Variants in DCC observed in about 807,000 individuals in gnomAD.
DCC encodes DCC netrin 1 receptor, also known as netrin receptor DCC.
A neutral mutation model predicts 172.5 loss-of-function variants in DCC; 58 were observed. That is an observed-to-expected ratio of 0.34 (90% confidence interval 0.27 to 0.42). The LOEUF is 0.42. DCC is among the 10% of genes least tolerant of loss of function. The probability of loss-of-function intolerance (pLI) is 1.00; values close to 1 mark genes in which losing one functional copy is unlikely to be tolerated. For synonymous variants in DCC, 709 were observed against 644.5 expected (o/e 1.10, Z -1.52); for missense variants, 1,740 against 1,791.0 (o/e 0.97, Z 0.51).
At chr18:53,526,856 G>GGCCACCCCAT in intron 28 of DCC, 97 bp downstream of exon 28, 1 of 1,024,238 alleles carries the variant, frequency 9.8e-7, no homozygotes, top group Admixed American at 1.8e-5. Context: ...ATTCACCCCA[G>GGCCACCCCAT]GCCACCCCAG....
intron 1 of DCC, among the ~76,000 whole-genome samples, chr18:52,626,434 C>T (rs753406330): frequency 3.3e-5 from 5 of 152,144 alleles, no homozygotes; most frequent in Non-Finnish European, 7.4e-5. Context: ...AATAGCCTTG[C>T]CAATTAGTCT....
intron 7 of DCC, among the ~76,000 whole-genome samples, chr18:53,113,250 T>A (rs2043360634): frequency 6.6e-6 from 1 of 151,526 alleles, no homozygotes; most frequent in Non-Finnish European, 1.5e-5. Context: ...ATCAGAATCT[T>A]TTATTCAGAG....
chr18:53,502,771 T>TTTGAAAGCTTTGAGATTAGGATC lies in DCC; in HGVS notation c.4111+3262_4111+3284dup, dbSNP rs1301674048. On this transcript the variant is annotated intron_variant, in intron 27 of 28. Transcript: ENST00000442544. Reference sequence around the variant, plus strand: ...ATTTTTAAAAATGAGAAACTTCTACTTTGAAAGCTTTGAGATTAGGATCAA... The same window carrying TTTGAAAGCTTTGAGATTAGGATC: ...ATTTTTAAAAATGAGAAACTTCTACTTTGAAAGCTTTGAGATTAGGATCTTGAAAGCTTTGAGATTAGGATCAA... Among the ~76,000 whole-genome samples the TTTGAAAGCTTTGAGATTAGGATC allele has an allele frequency of 7.9e-5, 12 of 152,274 alleles. No homozygotes were observed. The South Asian group carries it at 2.5e-3, about 32-fold the overall frequency.
intron 1 of DCC, chr18:52,419,495 A>G (rs757477339): frequency 2.0e-5 from 3 of 152,204 alleles, no homozygotes; most frequent in Non-Finnish European, 2.9e-5. Context: ...AATTGGCTAC[A>G]GTCATGTGTT....
chr18:52,764,982 G>A (rs995904723), intron 2 of DCC, among the ~76,000 whole-genome samples: 1 of 151,436 alleles, frequency 6.6e-6, no homozygotes, highest in African/African-American at 2.4e-5. Flanking sequence ...ATGTCTTTTA[G>A]CATCTGAGTC....
intron 2 of DCC, among the ~76,000 whole-genome samples, chr18:52,780,160 T>A (rs188676378): frequency 0.053 from 8,027 of 152,210 alleles, 283 homozygotes; most frequent in South Asian, 0.16. Context: ...TTTGCCTGAC[T>A]CTTTACATAG....
At chr18:53,090,120 A>G (rs988540106) in intron 7 of DCC, among the ~76,000 whole-genome samples, 2 of 152,228 alleles carry the variant, frequency 1.3e-5, no homozygotes, top group East Asian at 1.9e-4. Flanking sequence ...GTTATTTTCT[A>G]ATGAAAGTCA....
intron 24 of DCC, among the ~76,000 whole-genome samples, chr18:53,466,352 T>C (rs909815948): frequency 1.3e-5 from 2 of 152,210 alleles, no homozygotes; most frequent in Non-Finnish European, 2.9e-5. Flanking sequence ...TTCCCTCTTC[T>C]CTCTTCTATA....
intron 1 of DCC, among the ~76,000 whole-genome samples, chr18:52,454,834 G>A (rs1034797295): frequency 5.9e-5 from 9 of 152,120 alleles, no homozygotes; most frequent in Middle Eastern, 3.2e-3. Flanking sequence ...CATGAAGAAC[G>A]AAACATTTCC....
At chr18:52,500,730 T>G (rs2030985597) in intron 1 of DCC, among the ~76,000 whole-genome samples, 2 of 152,182 alleles carry the variant, frequency 1.3e-5, no homozygotes, top group Non-Finnish European at 2.9e-5. Flanking sequence ...TTTCATAATG[T>G]CTCTCTCATG....
chr18:52,962,256 T>G (rs1032871638), intron 5 of DCC, among the ~76,000 whole-genome samples: 1 of 151,422 alleles, frequency 6.6e-6, no homozygotes. Context: ...TCAAACAAAT[T>G]TACAAGAAAA....
chr18:53,104,162 G>T (rs186693965), intron 7 of DCC, among the ~76,000 whole-genome samples: 1 of 152,066 alleles, frequency 6.6e-6, no homozygotes, highest in East Asian at 1.9e-4. Context: ...GATGGCTCTT[G>T]CATTCTATAA....
chr18:53,158,924 C>T (rs961362705), intron 8 of DCC, among the ~76,000 whole-genome samples: 5 of 139,326 alleles, frequency 3.6e-5, no homozygotes, highest in African/African-American at 5.4e-5. Context: ...TCACGGGAAG[C>T]GGAGGTTGAA....
chr18:53,503,780 C>G (rs2046134247), intron 27 of DCC, among the ~76,000 whole-genome samples: 1 of 152,122 alleles, frequency 6.6e-6, no homozygotes, highest in Admixed American at 6.5e-5. Flanking sequence ...TCATAATACT[C>G]TTTTATAACA....
intron 21 of DCC, among the ~76,000 whole-genome samples, chr18:53,419,263 C>T (rs1218854930): frequency 6.6e-6 from 1 of 152,084 alleles, no homozygotes; most frequent in African/African-American, 2.4e-5. Flanking sequence ...GGGTATCCAT[C>T]CCTTGAAGCA....
intron 12 of DCC, among the ~76,000 whole-genome samples, chr18:53,229,113 G>A (rs536605963): frequency 1.8e-4 from 27 of 152,180 alleles, no homozygotes; most frequent in African/African-American, 6.3e-4. Context: ...ATAGTATAAA[G>A]GGAGATGATC....
intron 1 of DCC, among the ~76,000 whole-genome samples, chr18:52,601,448 G>A (rs1216007168): frequency 1.3e-5 from 2 of 151,992 alleles, no homozygotes; most frequent in Non-Finnish European, 2.9e-5. Context: ...TGGTCAGGCT[G>A]TCAATAATAT....
rs2041034822 is a variant in DCC, at chr18:52,971,793, A to G, written c.985+46423A>G. Reference sequence around the variant, plus strand: ...GGCAGAGAGAAGTCAAGTTGTGCAGAAAGTTATCACCTGGCACTGATGATT... The same window carrying G: ...GGCAGAGAGAAGTCAAGTTGTGCAGGAAGTTATCACCTGGCACTGATGATT... On this transcript the variant is annotated intron_variant, in intron 5 of 28. Transcript: ENST00000442544. 2.6e-5 allele frequency among the ~76,000 whole-genome samples: 4 copies of G among 152,304 alleles called. No homozygotes were observed. The South Asian group carries it at 8.3e-4, about 32-fold the overall frequency.
chr18:53,301,776 A>G (rs550900477), intron 12 of DCC, among the ~76,000 whole-genome samples: 4 of 151,976 alleles, frequency 2.6e-5, no homozygotes, highest in Admixed American at 1.3e-4. Flanking sequence ...TTCTTCTCCA[A>G]TCTTTTCTCT....
Sources: allele counts gnomAD v4.1 joint callset (sites outside exome capture counted in the v4.1 genomes callset), GRCh38; gene constraint gnomAD v4.1.1; transcripts MANE v1.5; gene names NCBI Gene and HGNC (gene_info 2026-07-23, HGNC 2026-07-21).